NEK6: variants seen among roughly 807,000 people sequenced by gnomAD.
The protein encoded by NEK6 is NIMA related kinase 6.
In NEK6, 27 loss-of-function variants were observed where a neutral mutation model predicts 43.5. The observed-to-expected ratio is 0.62, with a 90% CI of 0.46 to 0.86. The LOEUF is 0.86. NEK6 is among the 40% of genes least tolerant of loss of function. The probability of loss-of-function intolerance (pLI) is 0.00; values close to 1 mark genes in which losing one functional copy is unlikely to be tolerated. For missense variants in NEK6, 318 were observed against 414.4 expected (o/e 0.77, Z 2.02); for synonymous variants, 167 against 164.1 (o/e 1.02, Z -0.14).
intron 1 of NEK6, among the ~76,000 whole-genome samples, chr9:124,272,021 G>A (rs942944922): frequency 2.6e-5 from 4 of 152,160 alleles, no homozygotes; most frequent in Admixed American, 2.0e-4. Context: ...TTTCCCATTT[G>A]TGGAGCAAGG....
intron 1 of NEK6, among the ~76,000 whole-genome samples, chr9:124,281,051 A>G (rs1309086274): frequency 6.6e-6 from 1 of 152,110 alleles, no homozygotes; most frequent in Non-Finnish European, 1.5e-5. Flanking sequence ...TCAGCCTCAC[A>G]AAGCGCTTTT....
Position 124,347,244 on chromosome 9 carries a change from C to T in NEK6, c.718-465C>T, listed in dbSNP as rs548062415. On this transcript the variant is annotated intron_variant, in intron 8 of 9. Transcript: ENST00000320246. ...CACAGTGAAATGCCTCACCCTTCTC[C>T]GGCCCACCCCACCCCAAAATGTCAG... Among the ~76,000 whole-genome samples the T allele has an allele frequency of 1.0e-3, 156 of 152,354 alleles. 1 individual carries two copies. Among genetic ancestry groups the T allele is most frequent in the Admixed American group, 3.1e-3 (48 of 15,312 alleles).
chr9:124,285,906 T>G (rs1832135506), intron 1 of NEK6, among the ~76,000 whole-genome samples: 1 of 152,174 alleles, frequency 6.6e-6, no homozygotes, highest in African/African-American at 2.4e-5. Flanking sequence ...AGGATTAAAG[T>G]AAGTTAACAT....
intron 1 of NEK6, among the ~76,000 whole-genome samples, chr9:124,283,668 C>T (rs1832024758): frequency 6.6e-6 from 1 of 152,208 alleles, no homozygotes; most frequent in South Asian, 2.1e-4. Flanking sequence ...AGGCTTGATG[C>T]CACTGCTGTC....
intron 1 of NEK6, among the ~76,000 whole-genome samples, chr9:124,284,079 T>C (rs1202264957): frequency 6.6e-6 from 1 of 152,276 alleles, no homozygotes; most frequent in Admixed American, 6.5e-5. Context: ...CCAGGCGCAG[T>C]GGCTCTCGCC....
At chr9:124,312,485 G>T in intron 2 of NEK6, 24 bp from the exon 3 acceptor site, 2 of 1,608,260 alleles carry the variant, frequency 1.2e-6, no homozygotes, top group South Asian at 2.2e-5. Context: ...GCTGCTCACG[G>T]AGGCCCTCTG....
chr9:124,282,074 A>G (rs1450218682), intron 1 of NEK6, among the ~76,000 whole-genome samples: 1 of 152,168 alleles, frequency 6.6e-6, no homozygotes, highest in Non-Finnish European at 1.5e-5. Context: ...TTTCCTAGGG[A>G]TATTATAACA....
intron 2 of NEK6, among the ~76,000 whole-genome samples, chr9:124,308,579 C>T (rs1833374827): frequency 6.6e-6 from 1 of 151,722 alleles, no homozygotes. Flanking sequence ...TCGCTTGAAC[C>T]CGGGAGGCGG....
chr9:124,270,872 A>G (rs906548444), intron 1 of NEK6, among the ~76,000 whole-genome samples: 14 of 152,270 alleles, frequency 9.2e-5, no homozygotes, highest in African/African-American at 3.1e-4. Context: ...CAGTGAAAGC[A>G]CAGCATGAAG....
chr9:124,281,318 T>C (rs1033731542), intron 1 of NEK6, among the ~76,000 whole-genome samples: 1 of 152,094 alleles, frequency 6.6e-6, no homozygotes, highest in African/African-American at 2.4e-5. Context: ...ATGCTTCTCC[T>C]CAGCCACGAT....
chr9:124,325,985 G>A (rs538668728), intron 5 of NEK6, among the ~76,000 whole-genome samples: 19 of 152,294 alleles, frequency 1.2e-4, no homozygotes, highest in African/African-American at 3.9e-4. Flanking sequence ...TGGAGGGGGT[G>A]TCCAGGAGGT....
chr9:124,264,155 T>C (rs1831137935), intron 1 of NEK6, among the ~76,000 whole-genome samples: 1 of 152,138 alleles, frequency 6.6e-6, no homozygotes. Context: ...CCCAAAGCCA[T>C]TTGGGTTTCC....
At chr9:124,292,613 C>A in intron 1 of NEK6, 1 of 1,514,428 alleles carries the variant, frequency 6.6e-7, no homozygotes, top group South Asian at 1.2e-5. Flanking sequence ...CACTGTCAGT[C>A]AGCAGGGTAG....
chr9:124,339,019 ATTTTTTTTTTTTTT>A (rs538411121), intron 7 of NEK6, among the ~76,000 whole-genome samples: 10 of 61,808 alleles, frequency 1.6e-4, no homozygotes, highest in Non-Finnish European at 2.7e-4. Flanking sequence ...CCCCATCCTG[ATTTTTTTTTTTTTT>A]TTTTTTTTTT....
chr9:124,327,238 G>T, intron 6 of NEK6, 100 bp from the exon 7 acceptor site: 6 of 936,988 alleles, frequency 6.4e-6, no homozygotes, highest in South Asian at 1.4e-5. Context: ...GAGGGAGCAG[G>T]ACCTGGGCTA....
intron 1 of NEK6, chr9:124,291,923 G>A: frequency 1.0e-6 from 1 of 985,722 alleles, no homozygotes; most frequent in Non-Finnish European, 1.2e-6. Context: ...GGGGACCGGA[G>A]TCTTGGGAAG....
intron 4 of NEK6, among the ~76,000 whole-genome samples, chr9:124,316,882 C>T (rs1833841899): frequency 6.6e-6 from 1 of 152,248 alleles, no homozygotes; most frequent in African/African-American, 2.4e-5. Context: ...ACTTCCTACC[C>T]AACCCCTCTC....
intron 7 of NEK6, among the ~76,000 whole-genome samples, chr9:124,336,235 C>T (rs1190311915): frequency 6.6e-6 from 1 of 151,620 alleles, no homozygotes; most frequent in East Asian, 1.9e-4. Context: ...GAGACCCTGT[C>T]TTAAAGAAAA....
intron 1 of NEK6, among the ~76,000 whole-genome samples, chr9:124,298,507 G>A (rs533802764): frequency 1.3e-5 from 2 of 152,034 alleles, no homozygotes; most frequent in Non-Finnish European, 2.9e-5. Flanking sequence ...TGCCCCTGGG[G>A]ACCCTGTGGA....
Sources: gnomAD v4.1 joint callset for allele counts (sites outside exome capture counted in the v4.1 genomes callset) on GRCh38, gnomAD v4.1.1 for gene constraint, MANE v1.5 for transcripts, NCBI Gene and HGNC (gene_info 2026-07-23, HGNC 2026-07-21) for gene names.